The following AGTPBP1 variants were observed in gnomAD, a reference collection of about 807,000 sequenced individuals.
AGTPBP1 encodes cytosolic carboxypeptidase 1.
Under a neutral mutation model 143.9 loss-of-function variants are expected in AGTPBP1, and 70 were observed. The observed-to-expected ratio is 0.49, with a 90% CI of 0.40 to 0.59. The LOEUF is 0.59. AGTPBP1 is among the 20% of genes least tolerant of loss of function. The pLI, the probability that AGTPBP1 is intolerant of heterozygous loss-of-function variation, is 0.00. For missense variants in AGTPBP1, 1,229 were observed against 1,464.5 expected (o/e 0.84, Z 2.62); for synonymous variants, 463 against 500.2 (o/e 0.93, Z 0.99).
chr9:85,606,004 A>G (rs768982847), intron 17 of AGTPBP1, among the ~76,000 whole-genome samples: 30 of 152,090 alleles, frequency 2.0e-4, no homozygotes, highest in South Asian at 4.1e-4. Context: ...ACCACAAAAC[A>G]ATTGGAAAAC....
chr9:85,746,524 G>A (rs1824585410), upstream of AGTPBP1, among the ~76,000 whole-genome samples: 1 of 152,124 alleles, frequency 6.6e-6, no homozygotes, highest in African/African-American at 2.4e-5. Flanking sequence ...AGCTACTTGG[G>A]AGGCTGAGGC....
Position 85,734,628 on chromosome 9 carries a change from T to C in AGTPBP1, c.-34+7147A>G, listed in dbSNP as rs1454582258. On this transcript the variant is annotated intron_variant, in intron 1 of 25. Transcript: ENST00000357081. Reference sequence around the variant, plus strand: ...ACAAAATAGTAAGTGTTGATGTGCATAGATTAGAATCTTTGTGCACTATTG... The same window carrying C: ...ACAAAATAGTAAGTGTTGATGTGCACAGATTAGAATCTTTGTGCACTATTG... Among the ~76,000 whole-genome samples, 4 of 152,240 alleles carry C rather than the reference T, an allele frequency of 2.6e-5. No homozygotes were observed. The South Asian group carries it at 8.3e-4, about 32-fold the overall frequency.
At chr9:85,742,138 C>T, upstream of AGTPBP1, 2 of 791,122 alleles carry the variant, frequency 2.5e-6, no homozygotes, top group Non-Finnish European at 1.6e-6. Context: ...CGCCTCTCTG[C>T]GCGCCTGACG....
At chr9:85,657,341 A>G (rs1455578075) in intron 10 of AGTPBP1, 94 bp downstream of exon 10, 2 of 1,084,866 alleles carry the variant, frequency 1.8e-6, no homozygotes, top group Non-Finnish European at 2.6e-6. Context: ...TCCTGTGTAT[A>G]CGTTTCTGAG....
chr9:85,624,709 T>TGCTGGG (rs1831163439), intron 14 of AGTPBP1, among the ~76,000 whole-genome samples: 1 of 152,218 alleles, frequency 6.6e-6, no homozygotes, highest in African/African-American at 2.4e-5. Context: ...AAAGGTAATA[T>TGCTGGG]GCTGGCATTA....
intron 17 of AGTPBP1, among the ~76,000 whole-genome samples, chr9:85,602,093 C>T (rs1302466842): frequency 6.6e-6 from 1 of 151,812 alleles, no homozygotes; most frequent in Non-Finnish European, 1.5e-5. Context: ...CACGAAAAAA[C>T]AAGAAAATAT....
chr9:85,696,541 A>G (rs886619781), intron 2 of AGTPBP1, among the ~76,000 whole-genome samples: 2 of 151,718 alleles, frequency 1.3e-5, no homozygotes, highest in Non-Finnish European at 2.9e-5. Flanking sequence ...AGTGGCGCAC[A>G]TCTGTAATCC....
At chr9:85,551,696 C>A (rs572481404) in intron 25 of AGTPBP1, among the ~76,000 whole-genome samples, 1 of 152,200 alleles carries the variant, frequency 6.6e-6, no homozygotes, top group South Asian at 2.1e-4. Flanking sequence ...AGCAATTCAT[C>A]TTTGCTTTTA....
At chr9:85,750,912 A>G in the AGTPBP1 span, among the ~76,000 whole-genome samples, 25 of 152,226 alleles carry the variant, frequency 1.6e-4, no homozygotes, top group African/African-American at 5.5e-4. Flanking sequence ...CCAGTTTGGG[A>G]GCCAGTTCCC....
intron 8 of AGTPBP1, 30 bp downstream of exon 8, chr9:85,669,455 C>T (rs771742928): frequency 6.9e-7 from 1 of 1,439,018 alleles, no homozygotes; most frequent in South Asian, 1.2e-5. Context: ...AAAGGCTATA[C>T]CTATGTTTAC....
chr9:85,757,653 C>T, the AGTPBP1 span, among the ~76,000 whole-genome samples: 20 of 152,200 alleles, frequency 1.3e-4, no homozygotes, highest in East Asian at 2.9e-3. Flanking sequence ...TAATACCTGA[C>T]TCTGAAATGT....
intron 20 of AGTPBP1, 115 bp downstream of exon 20, chr9:85,589,413 A>G: frequency 2.3e-6 from 3 of 1,326,832 alleles, no homozygotes; most frequent in South Asian, 1.6e-5. Context: ...GGCCAAGACT[A>G]GAGCCCAAGT....
At chr9:85,755,971 A>G in the AGTPBP1 span, 1 of 897,296 alleles carries the variant, frequency 1.1e-6, no homozygotes, top group Non-Finnish European at 1.6e-6. Flanking sequence ...TAGTTTTTAA[A>G]TGTTCATTTA....
chr9:85,604,521 A>T (rs1031322850), intron 17 of AGTPBP1, among the ~76,000 whole-genome samples: 1 of 152,156 alleles, frequency 6.6e-6, no homozygotes, highest in African/African-American at 2.4e-5. Flanking sequence ...GGGTACAAAT[A>T]AGCCCAGACT....
At position 85,736,641 on chromosome 9, in the gene AGTPBP1, C is replaced by CT. The variant is rs201551657; in HGVS notation, c.-34+5133dup. On this transcript the variant is annotated intron_variant, in intron 1 of 25. Transcript: ENST00000357081. ...TAATCAAACGTTTGTGAGAAAGCCT[C>CT]TTTAAGATTTAAATCCAGAAGTTCT... 5.6e-4 allele frequency among the ~76,000 whole-genome samples: 86 copies of CT among 152,276 alleles called. 1 individual carries two copies. In the East Asian group the frequency reaches 0.016, roughly 28 times the overall value.
chr9:85,596,400 T>C lies in AGTPBP1; in HGVS notation c.2385A>G (p.Pro795=), dbSNP rs1356306709. 5 of 1,611,440 alleles carry C rather than the reference T, an allele frequency of 3.1e-6. No homozygotes were observed. The highest frequency in any genetic ancestry group is 4.2e-6 in the Non-Finnish European group (5 of 1,178,988). ...YSVQEALNAR[P]WWIRMGTDIC... ...TGTCAGTCCCCATACGAATCCACCA[T>C]GGTCTGGCATTTAATGCTTCCTGAA... Residue 795 remains proline (P), a synonymous_variant, in exon 18 of 26, where the codon CCA becomes CCG. Transcript: ENST00000357081.
intron 13 of AGTPBP1, among the ~76,000 whole-genome samples, chr9:85,639,393 ACACACAT>A (rs1298864027): frequency 6.6e-6 from 1 of 152,052 alleles, no homozygotes; most frequent in Non-Finnish European, 1.5e-5. Flanking sequence ...ACACACACAC[ACACACAT>A]ATGAAAAGAA....
chr9:85,764,207 A>T, the AGTPBP1 span, among the ~76,000 whole-genome samples: 83 of 121,404 alleles, frequency 6.8e-4, no homozygotes, highest in African/African-American at 2.0e-3. Context: ...TTTTTTTTTT[A>T]AAAAGGCATT....
chr9:85,722,977 T>C (rs778210374), intron 1 of AGTPBP1, among the ~76,000 whole-genome samples: 6 of 152,208 alleles, frequency 3.9e-5, no homozygotes, highest in Admixed American at 2.0e-4. Context: ...CTCCAGACCC[T>C]GTTTGCCTAG....
Sources: gnomAD v4.1 joint callset for allele counts (sites outside exome capture counted in the v4.1 genomes callset) on GRCh38, gnomAD v4.1.1 for gene constraint, MANE v1.5 for transcripts, NCBI Gene and HGNC (gene_info 2026-07-23, HGNC 2026-07-21) for gene names.